The following ATP6V0A1 variants were observed in gnomAD, a reference collection of about 807,000 sequenced individuals.
ATP6V0A1 encodes V-type proton ATPase 116 kDa subunit a 1.
A neutral mutation model predicts 105.4 loss-of-function variants in ATP6V0A1; 43 were observed. The ratio of observed to expected loss-of-function variants is 0.41; its 90% confidence interval spans 0.32 to 0.53. The LOEUF (loss-of-function observed/expected upper bound fraction) is 0.53. Among genes scored for constraint, ATP6V0A1 ranks in the 20% least tolerant of loss-of-function variants. ATP6V0A1 has a pLI of 0.30. For missense variants in ATP6V0A1, 676 were observed against 1,051.1 expected, an observed-to-expected ratio of 0.64 and a Z score of 4.93; for synonymous variants, 362 against 372.8, an observed-to-expected ratio of 0.97 and a Z score of 0.33.
At chr17:42,482,770 G>T (rs112674715) in intron 8 of ATP6V0A1, among the ~76,000 whole-genome samples, 2 of 151,668 alleles carry the variant, frequency 1.3e-5, no homozygotes, top group Non-Finnish European at 2.9e-5. Context: ...GGTGGCAGGC[G>T]CCTATAATCC....
chr17:42,512,374 C>T (rs1293869231), intron 19 of ATP6V0A1, among the ~76,000 whole-genome samples: 1 of 152,182 alleles, frequency 6.6e-6, no homozygotes, highest in East Asian at 1.9e-4. Flanking sequence ...TCACTGCCCT[C>T]CCAGCCCATA....
At position 42,468,126 on chromosome 17, in the gene ATP6V0A1, A is replaced by C. The variant is rs1260449613; in HGVS notation, c.294+19A>C. The C allele has an allele frequency of 6.7e-7, 1 of 1,500,004 alleles. No individual in the cohort carries two copies. Among genetic ancestry groups the C allele is most frequent in the Non-Finnish European group, 9.0e-7 (1 of 1,108,054 alleles). The allele number at this position is 1,500,004 out of a possible 1,614,324, so 92.9% of individuals were successfully genotyped here. On this transcript the variant is annotated intron_variant, in intron 4 of 21. Transcript: ENST00000343619. ...CTTAGAGGTAAACACTTCTGGGAAA[A>C]CCAGAAAAGTTTCTTTCTACTTGAA...
intron 5 of ATP6V0A1, among the ~76,000 whole-genome samples, chr17:42,475,764 C>G (rs2088650270): frequency 6.6e-6 from 1 of 152,200 alleles, no homozygotes; most frequent in Non-Finnish European, 1.5e-5. Flanking sequence ...ACTTTTCTCT[C>G]TAAGATAGAA....
chr17:42,514,584 T>A, intron 21 of ATP6V0A1, 124 bp downstream of exon 21: 2 of 1,020,858 alleles, frequency 2.0e-6, no homozygotes, highest in African/African-American at 1.6e-5. Context: ...GGCCCTGCAC[T>A]AGCTTCACCT....
chr17:42,505,591 G>A (rs1401826625), intron 17 of ATP6V0A1, among the ~76,000 whole-genome samples: 1 of 151,910 alleles, frequency 6.6e-6, no homozygotes, highest in Non-Finnish European at 1.5e-5. Flanking sequence ...GCCCGCTGTG[G>A]CCTCCCAAAG....
intron 21 of ATP6V0A1, 80 bp from the exon 22 acceptor site, chr17:42,520,947 C>T: frequency 7.6e-7 from 1 of 1,308,540 alleles, no homozygotes; most frequent in South Asian, 1.4e-5. Flanking sequence ...CACGGGGCAT[C>T]TTTCCTGCCC....
At chr17:42,514,587 C>A in intron 21 of ATP6V0A1, 127 bp downstream of exon 21, 3 of 1,023,700 alleles carry the variant, frequency 2.9e-6, no homozygotes, top group Non-Finnish European at 4.1e-6. Context: ...CCTGCACTAG[C>A]TTCACCTCAG....
At chr17:42,514,173 G>T (rs755382043) in intron 20 of ATP6V0A1, 116 bp from the exon 21 acceptor site, 2 of 1,360,390 alleles carry the variant, frequency 1.5e-6, no homozygotes, top group Non-Finnish European at 2.0e-6. Flanking sequence ...TCCCACTAAG[G>T]CAGTGGGAAG....
chr17:42,513,195 T>C (rs188723587), intron 19 of ATP6V0A1, among the ~76,000 whole-genome samples: 2 of 152,180 alleles, frequency 1.3e-5, no homozygotes, highest in Admixed American at 6.5e-5. Flanking sequence ...ACAGATATGC[T>C]GTTTGGCCTT....
intron 17 of ATP6V0A1, among the ~76,000 whole-genome samples, chr17:42,506,341 C>G (rs1420005503): frequency 5.3e-5 from 8 of 152,220 alleles, no homozygotes; most frequent in African/African-American, 1.9e-4. Flanking sequence ...TCTAATGCAA[C>G]TAGTTCTCTG....
intron 19 of ATP6V0A1, 109 bp downstream of exon 19, chr17:42,508,698 T>C (rs1012473466): frequency 2.8e-6 from 4 of 1,452,868 alleles, no homozygotes; most frequent in East Asian, 2.3e-5. Context: ...ACATGACTCC[T>C]GTGCCTCTGC....
intron 5 of ATP6V0A1, chr17:42,470,500 ATTATAT>A (rs2087746501): frequency 6.7e-6 from 2 of 300,578 alleles, no homozygotes; most frequent in Non-Finnish European, 1.3e-5. Context: ...AAATTTTTAC[ATTATAT>A]TTATACTTAT....
At chr17:42,487,824 C>A (rs1274798376) in intron 10 of ATP6V0A1, among the ~76,000 whole-genome samples, 2 of 152,132 alleles carry the variant, frequency 1.3e-5, no homozygotes, top group Admixed American at 1.3e-4. Context: ...ATTTATTTGT[C>A]TTTTAACTTG....
At chr17:42,477,570 C>A in intron 5 of ATP6V0A1, 90 bp from the exon 6 acceptor site, 1 of 1,333,372 alleles carries the variant, frequency 7.5e-7, no homozygotes, top group Non-Finnish European at 1.1e-6. Flanking sequence ...CTGAACCTGT[C>A]TCCTGGTTCC....
intron 17 of ATP6V0A1, among the ~76,000 whole-genome samples, chr17:42,507,089 A>G (rs2092074099): frequency 6.6e-6 from 1 of 152,224 alleles, no homozygotes; most frequent in Admixed American, 6.5e-5. Context: ...TACAATCACA[A>G]TGTCACTTGG....
chr17:42,491,992 T>C (rs2090684581), intron 11 of ATP6V0A1, among the ~76,000 whole-genome samples: 1 of 152,224 alleles, frequency 6.6e-6, no homozygotes, highest in African/African-American at 2.4e-5. Flanking sequence ...AAGATCAGCC[T>C]GGGCAACATA....
intron 10 of ATP6V0A1, among the ~76,000 whole-genome samples, chr17:42,489,162 C>T (rs2090399992): frequency 6.6e-6 from 1 of 151,340 alleles, no homozygotes; most frequent in Non-Finnish European, 1.5e-5. Flanking sequence ...AACCTCCACC[C>T]TCCACCTCCC....
rs1351334473 is a variant in ATP6V0A1 at position 42,480,693 on chromosome 17, T to A, written c.660T>A (p.Phe220Leu). 6.2e-7 allele frequency: 1 copy of A among 1,613,812 alleles called. No individual in the cohort carries two copies. The highest frequency in any genetic ancestry group is 8.5e-7 in the Non-Finnish European group (1 of 1,179,944). The change falls in exon 8 of 22, where the codon TTT (phenylalanine) becomes TTA (leucine). Residue 220 changes from phenylalanine (F) to leucine (L), a missense_variant. This residue lies in a region of ATP6V0A1 where 239 missense variants were observed against 388.4 expected (regional missense o/e 0.62). Transcript: ENST00000343619. Reference protein sequence around the residue: ...VTGDYVHKSVFIIFFQGDQLK... With the variant: ...VTGDYVHKSVLIIFFQGDQLK... ...GCGACTACGTGCACAAGTCTGTGTT[T>A]ATCATTTTCTTCCAAGGCGATCAGC...
intron 21 of ATP6V0A1, chr17:42,520,225 A>G (rs1474914116): frequency 2.8e-6 from 1 of 353,730 alleles, no homozygotes; most frequent in Non-Finnish European, 5.6e-6. Flanking sequence ...TATCCCCTGA[A>G]TCATGCATTT....
Sources: gnomAD v4.1 joint callset for allele counts (sites outside exome capture counted in the v4.1 genomes callset) on GRCh38, gnomAD v4.1.1 for gene constraint, gnomAD v4.1.1 regional missense constraint, MANE v1.5 for transcripts, NCBI Gene and HGNC (gene_info 2026-07-23, HGNC 2026-07-21) for gene names.